UBE3B: variants seen among roughly 807,000 people sequenced by gnomAD.
The protein encoded by UBE3B is ubiquitin protein ligase E3B.
A neutral mutation model predicts 132.3 loss-of-function variants in UBE3B; 80 were observed. The ratio of observed to expected loss-of-function variants is 0.60; its 90% CI spans 0.50 to 0.73. The LOEUF (loss-of-function observed/expected upper bound fraction) is 0.73, where lower values mean the gene tolerates loss of function less well. Among genes scored for constraint, UBE3B ranks in the 30% least tolerant of loss-of-function variants. The probability of loss-of-function intolerance (pLI) is 0.00; values close to 1 mark genes in which losing one functional copy is unlikely to be tolerated. For synonymous variants in UBE3B, 487 were observed against 520.4 expected, an observed-to-expected ratio of 0.94 and a Z score of 0.87; for missense variants, 1,196 against 1,362.5, an observed-to-expected ratio of 0.88 and a Z score of 1.92.
intron 9 of UBE3B, chr12:109,491,363 G>A (rs1877443460): frequency 2.6e-6 from 1 of 378,808 alleles, no homozygotes; most frequent in Non-Finnish European, 4.7e-6. Context: ...TGTGATCTTT[G>A]GAAACTATTC....
chr12:109,490,434 C>A (rs2135837256), intron 8 of UBE3B: 1 of 1,533,682 alleles, frequency 6.5e-7, no homozygotes, highest in East Asian at 2.4e-5. Flanking sequence ...TTTAAAGGTA[C>A]AATGGAAGTC....
At chr12:109,507,768 C>T (rs1295639234) in intron 15 of UBE3B, 33 bp downstream of exon 15, 2 of 1,597,022 alleles carry the variant, frequency 1.3e-6, no homozygotes, top group South Asian at 1.1e-5. Context: ...GAATTCCTTT[C>T]CTAGAATATG....
downstream of UBE3B, among the ~76,000 whole-genome samples, chr12:109,539,241 C>CA (rs200541587): frequency 7.2e-5 from 11 of 152,068 alleles, no homozygotes; most frequent in African/African-American, 1.4e-4. Flanking sequence ...GTCTCAAAAA[C>CA]AAAAAAACCC....
intron 5 of UBE3B, 27 bp from the exon 6 acceptor site, chr12:109,486,444 T>G: frequency 2.4e-5 from 37 of 1,554,702 alleles, no homozygotes; most frequent in South Asian, 3.4e-5. Context: ...TAACAGCCCA[T>G]GACATTCCTC....
intron 24 of UBE3B, 110 bp from the exon 25 acceptor site, chr12:109,529,780 G>A (rs1882759270): frequency 4.7e-6 from 6 of 1,267,820 alleles, no homozygotes; most frequent in East Asian, 2.3e-5. Flanking sequence ...GGTACTATTT[G>A]TGTTTTTTGT....
chr12:109,506,412 G>A (rs1400885262), intron 14 of UBE3B, among the ~76,000 whole-genome samples: 2 of 152,154 alleles, frequency 1.3e-5, no homozygotes, highest in African/African-American at 4.8e-5. Flanking sequence ...GCAGTGGTGC[G>A]ATCTCGGCTC....
chr12:109,501,228 T>A (rs1878943944), intron 12 of UBE3B, 143 bp from the exon 13 acceptor site: 7 of 1,038,980 alleles, frequency 6.7e-6, no homozygotes, highest in Middle Eastern at 2.2e-4. Flanking sequence ...GTTCCACTTT[T>A]TATTTTTGTA....
In UBE3B at chr12:109,489,972, C is replaced by A. The variant is rs1264333476; in HGVS notation, c.598C>A (p.Leu200Ile). ...CATTTGTGCAAATATAATGGGACAT[C>A]TCAACCAGCATGGATTTTATTCTGT... The part of the protein sequence containing the change: ...NHICANIMGH[L>I]NQHGFYSVLQ... Residue 200 changes from leucine (L) to isoleucine (I), a missense_variant, in exon 8 of 28, where the codon CTC (leucine) becomes ATC (isoleucine). Leu to Ile is a conservative substitution (Grantham distance 5). Coordinates refer to ENST00000342494, the MANE Select transcript of UBE3B (RefSeq NM_130466.4). The A allele has an allele frequency of 6.2e-7, 1 of 1,614,218 alleles. No individual in the cohort carries two copies. The highest frequency in any genetic ancestry group is 8.5e-7 in the Non-Finnish European group (1 of 1,180,034).
chr12:109,517,702 G>C (rs1176583298), intron 19 of UBE3B, among the ~76,000 whole-genome samples: 1 of 152,114 alleles, frequency 6.6e-6, no homozygotes, highest in African/African-American at 2.4e-5. Context: ...TCATTTATTT[G>C]CCATGTTTGC....
intron 14 of UBE3B, 132 bp downstream of exon 14, chr12:109,503,322 T>TCAA: frequency 8.2e-7 from 1 of 1,220,446 alleles, no homozygotes; most frequent in South Asian, 1.6e-5. Context: ...TTTGAGCTGT[T>TCAA]CCTCTTAGAG....
intron 19 of UBE3B, among the ~76,000 whole-genome samples, chr12:109,519,043 T>C (rs1391559422): frequency 6.6e-6 from 1 of 152,176 alleles, no homozygotes; most frequent in Non-Finnish European, 1.5e-5. Flanking sequence ...GGCTTCCAGA[T>C]ATTAAAGTCC....
At chr12:109,491,284 C>A in intron 9 of UBE3B, 157 bp downstream of exon 9, 1 of 536,688 alleles carries the variant, frequency 1.9e-6, no homozygotes, top group Non-Finnish European at 3.1e-6. Flanking sequence ...ACATTTGTGA[C>A]TGCTCAAACT....
At chr12:109,496,638 G>C (rs568913183) in intron 9 of UBE3B, among the ~76,000 whole-genome samples, 1 of 152,332 alleles carries the variant, frequency 6.6e-6, no homozygotes, top group Admixed American at 6.5e-5. Flanking sequence ...GGTAGTTAGT[G>C]ATGTTGAACA....
At chr12:109,508,410 A>T in intron 15 of UBE3B, 2 of 555,902 alleles carry the variant, frequency 3.6e-6, no homozygotes, top group Non-Finnish European at 4.6e-6. Context: ...TCAAATACTT[A>T]GTGCAGTGCC....
Position 109,503,136 on chromosome 12 carries a change from C to T in UBE3B, c.1396C>T (p.Leu466Phe). The T allele has an allele frequency of 6.2e-7, 1 of 1,614,222 alleles. No homozygotes were observed. Among genetic ancestry groups the T allele is most frequent in the Non-Finnish European group, 8.5e-7 (1 of 1,180,056 alleles). Residue 466 changes from leucine (L) to phenylalanine (F), a missense_variant, in exon 14 of 28, where the codon CTC becomes TTC. Physicochemically the swap from Leu to Phe is conservative, Grantham distance 22. Coordinates refer to ENST00000342494, the MANE Select transcript of UBE3B (RefSeq NM_130466.4). ...EVQKVCNICV[L>F]YQTSLTTLTQ... ...CCAGAAGGTTTGCAACATCTGTGTC[C>T]TCTACCAGACCTCGCTGACAACTCT...
chr12:109,547,785 G>C, the UBE3B span, among the ~76,000 whole-genome samples: 1 of 151,926 alleles, frequency 6.6e-6, no homozygotes, highest in East Asian at 1.9e-4. The surrounding 1 kb of genome is among the most constrained non-coding windows in gnomAD (Gnocchi z 4.1). Flanking sequence ...CGGTGCGCGT[G>C]CTCCCTTATT....
At chr12:109,530,516 A>T (rs1230989584) in intron 25 of UBE3B, 31 bp from the exon 26 acceptor site, 5 of 1,605,916 alleles carry the variant, frequency 3.1e-6, no homozygotes, top group Non-Finnish European at 4.3e-6. Context: ...ACGCTAGCAC[A>T]TTGCTGAGCC....
At position 109,507,606 on chromosome 12, in the gene UBE3B, T is replaced by C. The variant is rs1177056929; in HGVS notation, c.1493T>C (p.Phe498Ser). The C allele has an allele frequency of 6.2e-7, 1 of 1,614,040 alleles. No individual in the cohort carries two copies. The highest frequency in any genetic ancestry group is 1.3e-5 in the African/African-American group (1 of 74,924). Residue 498 changes from phenylalanine (F) to serine (S), a missense_variant, in exon 15 of 28, where the codon TTT (phenylalanine) becomes TCT (serine). Phe to Ser is a radical substitution (Grantham distance 155). Coordinates refer to ENST00000342494, the MANE Select transcript of UBE3B (RefSeq NM_130466.4). ...GACCTGCTTCCCAAACTGTGGGCATTTATCTGTGAGCTCGGGCCCCACGGA... is the reference window on the plus strand; with the variant it reads ...GACCTGCTTCCCAAACTGTGGGCATCTATCTGTGAGCTCGGGCCCCACGGA... ...LDDLLPKLWA[F>S]ICELGPHGGL...
chr12:109,502,178 A>C (rs754354555), intron 13 of UBE3B, among the ~76,000 whole-genome samples: 1 of 152,206 alleles, frequency 6.6e-6, no homozygotes, highest in Non-Finnish European at 1.5e-5. Context: ...AACCAACATG[A>C]AATGTTTCAG....
Sources: allele counts gnomAD v4.1 joint callset (sites outside exome capture counted in the v4.1 genomes callset), GRCh38; gene constraint gnomAD v4.1.1; non-coding constraint Gnocchi (gnomAD v3.1); transcripts MANE v1.5; gene names NCBI Gene and HGNC (gene_info 2026-07-23, HGNC 2026-07-21).